Variants in LIMCH1 observed in about 807,000 individuals in gnomAD.
LIMCH1 encodes LIM and calponin homology domains 1.
LIMCH1 carries 113 observed loss-of-function variants against 176.5 expected under a neutral mutation model. That is an observed-to-expected ratio of 0.64 (90% confidence interval 0.55 to 0.75). The LOEUF (loss-of-function observed/expected upper bound fraction) is 0.75, where lower values mean the gene tolerates loss of function less well. LIMCH1 is among the 30% of genes least tolerant of loss of function. The pLI, the probability that LIMCH1 is intolerant of heterozygous loss-of-function variation, is 0.00. For missense variants in LIMCH1, 1,674 were observed against 1,814.9 expected (o/e 0.92, Z 1.41); for synonymous variants, 619 against 645.9 (o/e 0.96, Z 0.63).
intron 1 of LIMCH1, among the ~76,000 whole-genome samples, chr4:41,377,784 G>A (rs750832595): frequency 7.9e-5 from 12 of 152,188 alleles, no homozygotes; most frequent in Non-Finnish European, 1.5e-4. Context: ...ATGGCAAGAA[G>A]GGCTCACTAG....
intron 1 of LIMCH1, among the ~76,000 whole-genome samples, chr4:41,448,955 T>C (rs910004631): frequency 6.6e-6 from 1 of 152,096 alleles, no homozygotes; most frequent in Non-Finnish European, 1.5e-5. Context: ...CATTTGTAAA[T>C]GATGTATGCC....
At chr4:41,424,469 G>A (rs1051869612) in intron 1 of LIMCH1, among the ~76,000 whole-genome samples, 2 of 152,010 alleles carry the variant, frequency 1.3e-5, no homozygotes, top group Admixed American at 6.6e-5. Context: ...AAACTCTTGG[G>A]GCCAAACGCC....
intron 18 of LIMCH1, among the ~76,000 whole-genome samples, chr4:41,654,974 C>A (rs1228843367): frequency 6.6e-6 from 1 of 152,126 alleles, no homozygotes; most frequent in Non-Finnish European, 1.5e-5. Flanking sequence ...CATGTTATAG[C>A]ACACAAGCAG....
chr4:41,500,825 A>G (rs1351454347), intron 2 of LIMCH1, among the ~76,000 whole-genome samples: 1 of 152,208 alleles, frequency 6.6e-6, no homozygotes, highest in Non-Finnish European at 1.5e-5. Flanking sequence ...GGCAGGTTCA[A>G]TACAAGTGAG....
In LIMCH1 at chr4:41,565,346, TACACAC is replaced by T. The variant is rs34056313; in HGVS notation, c.-241+27028_-241+27033del. ...ATAGTTAGAAGTTAGCTATTTCGGA[TACACAC>T]ACACACACACACACACACACACACA... On this transcript the variant is annotated intron_variant, in intron 1 of 31. Transcript: ENST00000503057. Among the ~76,000 whole-genome samples the T allele has an allele frequency of 1.6e-3, 206 of 128,608 alleles. 1 individual carries two copies. The highest frequency in any genetic ancestry group is 6.1e-3 in the East Asian group (27 of 4,394). The allele number at this position is 128,608 out of a possible 152,430, so 84.4% of individuals were successfully genotyped here. A position where few individuals can be genotyped will look rare whatever the true frequency, so the allele number is the denominator to read the frequency against.
intron 1 of LIMCH1, among the ~76,000 whole-genome samples, chr4:41,422,536 T>C (rs181852430): frequency 6.6e-6 from 1 of 152,220 alleles, no homozygotes; most frequent in East Asian, 1.9e-4. Flanking sequence ...TTAATATTAA[T>C]TTTTTTAAAA....
chr4:41,670,667 CA>C, intron 21 of LIMCH1: 1 of 1,362,776 alleles, frequency 7.3e-7, no homozygotes, highest in South Asian at 1.3e-5. Context: ...ATTCAGTTCT[CA>C]CCCCAGTTTT....
At chr4:41,596,504 T>C (rs1181809021) in intron 1 of LIMCH1, among the ~76,000 whole-genome samples, 28 of 152,162 alleles carry the variant, frequency 1.8e-4, no homozygotes, top group Non-Finnish European at 4.4e-5. Flanking sequence ...AACTGAAATA[T>C]TGGGACAAAA....
intron 29 of LIMCH1, among the ~76,000 whole-genome samples, chr4:41,688,119 A>C (rs963256210): frequency 1.3e-5 from 2 of 152,244 alleles, no homozygotes; most frequent in African/African-American, 4.8e-5. Flanking sequence ...AGAAAAAGTC[A>C]GGCCTGTGAC....
upstream of LIMCH1, chr4:41,360,697 C>G (rs1267438005): frequency 4.6e-6 from 2 of 432,618 alleles, no homozygotes; most frequent in Non-Finnish European, 7.6e-6. The surrounding 1 kb of genome is among the most constrained non-coding windows in gnomAD (Gnocchi z 4.5). Flanking sequence ...GCGCGCGGCT[C>G]TCCCGGGACC....
At chr4:41,603,108 GT>G (rs2090209512) in intron 2 of LIMCH1, among the ~76,000 whole-genome samples, 1 of 152,076 alleles carries the variant, frequency 6.6e-6, no homozygotes, top group African/African-American at 2.4e-5. Context: ...TTCTTGACTG[GT>G]TTATATGATA....
At chr4:41,612,996 G>A (rs2091627462) in intron 4 of LIMCH1, 2 of 1,551,226 alleles carry the variant, frequency 1.3e-6, no homozygotes, top group Non-Finnish European at 8.7e-7. Context: ...AATGTTGCCT[G>A]TATTTGCCAG....
chr4:41,432,790 A>G (rs2061714956), intron 1 of LIMCH1, among the ~76,000 whole-genome samples: 1 of 151,692 alleles, frequency 6.6e-6, no homozygotes. Flanking sequence ...TTGTTAAAAT[A>G]CAGGACATAT....
intron 1 of LIMCH1, among the ~76,000 whole-genome samples, chr4:41,368,505 C>T (rs1355856614): frequency 2.0e-5 from 3 of 152,044 alleles, no homozygotes; most frequent in African/African-American, 4.8e-5. Context: ...GAAAAGCACT[C>T]TTTAAAAAGA....
intron 1 of LIMCH1, among the ~76,000 whole-genome samples, chr4:41,441,341 A>G (rs564813172): frequency 2.6e-5 from 4 of 152,250 alleles, no homozygotes; most frequent in South Asian, 4.1e-4. Context: ...AATTATTGCT[A>G]TTTGTCTTAG....
rs187919439 is a variant in LIMCH1, at chr4:41,542,931, C to T, written c.-241+4581C>T. On this transcript the variant is annotated intron_variant, in intron 1 of 31. Coordinates refer to ENST00000503057, the MANE Select transcript of LIMCH1 (RefSeq NM_001330672.2). ...ATTATTTTTAAAGCATTATCTGTTT[C>T]GATGCTGGCAAAACTGATTATCTTA... Among the ~76,000 whole-genome samples the T allele has an allele frequency of 2.4e-3, 373 of 152,290 alleles. 1 individual carries two copies. Among genetic ancestry groups the T allele is most frequent in the Middle Eastern group, 6.8e-3 (2 of 294 alleles).
In LIMCH1 at chr4:41,419,175, TTTATTTAATTTTA is replaced by T. The variant is rs1278572391; in HGVS notation, c.96+58246_96+58258del. 4.0e-3 allele frequency among the ~76,000 whole-genome samples: 337 copies of T among 83,806 alleles called. 1 individual carries two copies. Among genetic ancestry groups the T allele is most frequent in the South Asian group, 0.029 (52 of 1,820 alleles). The allele number at this position is 83,806 out of a possible 152,430, so 55.0% of individuals were successfully genotyped here. Reference sequence around the variant, plus strand: ...TTTATTTTATTTTATTTCATTTTATTTTATTTAATTTTATTATTTTGAGACGGAGTCTAGCTCT... The same window carrying T: ...TTTATTTTATTTTATTTCATTTTATTTTATTTTGAGACGGAGTCTAGCTCT... On this transcript the variant is annotated intron_variant, in intron 1 of 26. Transcript: ENST00000313860.
At chr4:41,447,037 C>T (rs545669060) in intron 1 of LIMCH1, among the ~76,000 whole-genome samples, 6 of 152,100 alleles carry the variant, frequency 3.9e-5, no homozygotes, top group East Asian at 3.9e-4. Context: ...GAGACCAACC[C>T]GGGCAACATG....
chr4:41,640,927 C>T (rs1396879399), intron 14 of LIMCH1, among the ~76,000 whole-genome samples: 1 of 152,096 alleles, frequency 6.6e-6, no homozygotes, highest in Non-Finnish European at 1.5e-5. Context: ...GATTTAATTT[C>T]ACCTTCTTGC....
Sources: allele counts gnomAD v4.1 joint callset (sites outside exome capture counted in the v4.1 genomes callset), GRCh38; gene constraint gnomAD v4.1.1; non-coding constraint Gnocchi (gnomAD v3.1); transcripts MANE v1.5; gene names NCBI Gene and HGNC (gene_info 2026-07-23, HGNC 2026-07-21).